TANGO6: variants seen among roughly 807,000 people sequenced by gnomAD.
TANGO6 encodes the protein transport and golgi organization 6 homolog.
In TANGO6, 90 loss-of-function variants were observed where a neutral mutation model predicts 114.2. The ratio of observed to expected loss-of-function variants is 0.79; its 90% CI spans 0.66 to 0.94. The LOEUF is 0.94. Among genes scored for constraint, TANGO6 ranks in the 40% least tolerant of loss-of-function variants. The pLI is 0.00. For synonymous variants in TANGO6, 477 were observed against 509.8 expected (o/e 0.94, Z 0.87); for missense variants, 1,274 against 1,315.3 (o/e 0.97, Z 0.49).
At chr16:68,858,773 G>C (rs1291671331) in intron 1 of TANGO6, among the ~76,000 whole-genome samples, 1 of 152,062 alleles carries the variant, frequency 6.6e-6, no homozygotes, top group Non-Finnish European at 1.5e-5. Context: ...GTCAGCCACT[G>C]TGCCTGGTCC....
At chr16:69,064,965 A>G (rs1384535787) in intron 17 of TANGO6, among the ~76,000 whole-genome samples, 4 of 152,160 alleles carry the variant, frequency 2.6e-5, no homozygotes, top group Admixed American at 2.6e-4. Context: ...CTGTTCCCCC[A>G]TATGTGATCA....
At chr16:68,916,857 C>G (rs1126184) in intron 11 of TANGO6, among the ~76,000 whole-genome samples, 14,558 of 152,144 alleles carry the variant, frequency 0.096, 762 homozygotes, top group African/African-American at 0.13. Context: ...TCCATTGTCA[C>G]CATCTCCCAC....
chr16:68,934,751 T>G (rs771541265), intron 14 of TANGO6, among the ~76,000 whole-genome samples: 6 of 152,188 alleles, frequency 3.9e-5, no homozygotes, highest in Non-Finnish European at 7.3e-5. Flanking sequence ...TTTCATTGAT[T>G]TATTTTTTTT....
In TANGO6 at chr16:68,909,247, T is replaced by G. The variant is rs926555070; in HGVS notation, c.1837T>G (p.Leu613Val). The change falls in exon 11 of 18, where the codon TTA (leucine) becomes GTA (valine). Residue 613 changes from leucine to valine, a missense_variant. Leu to Val is a conservative substitution (Grantham distance 32). This residue lies in a region of TANGO6 where 908 missense variants were observed against 910.2 expected (regional missense o/e 1.00). Transcript: ENST00000261778. ...THVASENETE[L>V]KTEPFSSKSL... Reference sequence around the variant, plus strand: ...TGTGGCCTCGGAAAATGAAACAGAGTTAAAAACTGAGCCCTTCTCCAGCAA... The same window carrying G: ...TGTGGCCTCGGAAAATGAAACAGAGGTAAAAACTGAGCCCTTCTCCAGCAA... 6.3e-7 allele frequency: 1 copy of G among 1,599,692 alleles called. No homozygotes were observed. The highest frequency in any genetic ancestry group is 1.7e-5 in the Admixed American group (1 of 57,524).
chr16:69,071,657 T>G (rs1322897895), intron 17 of TANGO6, among the ~76,000 whole-genome samples: 1 of 152,242 alleles, frequency 6.6e-6, no homozygotes. Context: ...TTCCTCTATT[T>G]TCATATATTC....
intron 1 of TANGO6, among the ~76,000 whole-genome samples, chr16:68,853,828 T>C (rs570676709): frequency 2.6e-5 from 4 of 152,266 alleles, no homozygotes; most frequent in Middle Eastern, 3.4e-3. Context: ...ACCATTCCAG[T>C]GTATGTAGTG....
intron 17 of TANGO6, among the ~76,000 whole-genome samples, chr16:69,061,232 T>A (rs1960111145): frequency 6.6e-6 from 1 of 152,082 alleles, no homozygotes; most frequent in Non-Finnish European, 1.5e-5. Flanking sequence ...AGTGACAGAA[T>A]GAATACTGAT....
intron 7 of TANGO6, among the ~76,000 whole-genome samples, chr16:68,897,297 C>T (rs530569062): frequency 1.9e-4 from 29 of 152,260 alleles, no homozygotes; most frequent in Admixed American, 7.2e-4. Flanking sequence ...TCCTAGCACT[C>T]GTCACTACCT....
At chr16:68,857,166 C>G (rs1596990139) in intron 1 of TANGO6, among the ~76,000 whole-genome samples, 1 of 152,190 alleles carries the variant, frequency 6.6e-6, no homozygotes, top group Middle Eastern at 3.4e-3. Flanking sequence ...CTGCCCCATC[C>G]CTGATCTCTT....
chr16:69,067,518 CAA>C (rs1199698790), intron 17 of TANGO6, among the ~76,000 whole-genome samples: 14 of 43,722 alleles, frequency 3.2e-4, no homozygotes, highest in African/African-American at 1.2e-3. Flanking sequence ...AACTCCATCT[CAA>C]AAAAAAAAAA....
Position 68,945,906 on chromosome 16 carries a change from G to A in TANGO6, c.2701+15611G>A, listed in dbSNP as rs138153899. Among the ~76,000 whole-genome samples the A allele has an allele frequency of 5.8e-3, 886 of 152,114 alleles. 13 individuals carry two copies. Among genetic ancestry groups the A allele is most frequent in the African/African-American group, 0.02 (846 of 41,516 alleles). On this transcript the variant is annotated intron_variant, in intron 14 of 17. Transcript: ENST00000261778. ...TAGCCATGTTGGCCAGGCTGGTCTC[G>A]AACTCCTGACCTCAGATGATCCCCC... is the stretch of plus-strand genomic sequence containing the variant.
At chr16:68,932,124 C>T (rs1370488021) in intron 14 of TANGO6, among the ~76,000 whole-genome samples, 1 of 150,374 alleles carries the variant, frequency 6.7e-6, no homozygotes, top group African/African-American at 2.4e-5. Context: ...GAGTTTCACT[C>T]TTGTTGCCCA....
At chr16:68,994,819 A>C (rs1354596122) in intron 15 of TANGO6, among the ~76,000 whole-genome samples, 1 of 152,008 alleles carries the variant, frequency 6.6e-6, no homozygotes, top group Non-Finnish European at 1.5e-5. Context: ...TCCTGGGCTC[A>C]AGCAATTCTC....
chr16:69,038,535 A>G (rs1959726022), intron 16 of TANGO6, among the ~76,000 whole-genome samples: 1 of 152,042 alleles, frequency 6.6e-6, no homozygotes, highest in Non-Finnish European at 1.5e-5. Flanking sequence ...CTCTTTTTAA[A>G]GCTTACATGA....
chr16:68,890,201 T>G (rs1373746281), intron 7 of TANGO6, among the ~76,000 whole-genome samples: 22 of 152,218 alleles, frequency 1.4e-4, no homozygotes, highest in Admixed American at 1.3e-3. Flanking sequence ...TTCCCACACA[T>G]GTACATCCCT....
At chr16:69,033,013 C>T (rs1262945839) in intron 16 of TANGO6, among the ~76,000 whole-genome samples, 2 of 152,082 alleles carry the variant, frequency 1.3e-5, no homozygotes, top group African/African-American at 4.8e-5. Flanking sequence ...TGGTGAAACC[C>T]CATCTCCACT....
intron 12 of TANGO6, among the ~76,000 whole-genome samples, chr16:68,920,996 G>C (rs529352817): frequency 6.6e-6 from 1 of 150,800 alleles, no homozygotes; most frequent in Non-Finnish European, 1.5e-5. Context: ...CCAGCTACTC[G>C]GGAGGCTGAG....
At chr16:68,890,902 C>T (rs1962604075) in intron 7 of TANGO6, among the ~76,000 whole-genome samples, 1 of 151,686 alleles carries the variant, frequency 6.6e-6, no homozygotes, top group South Asian at 2.1e-4. Context: ...GTGGGTGCCT[C>T]TAATCCCAGC....
intron 4 of TANGO6, among the ~76,000 whole-genome samples, chr16:68,872,899 C>T (rs1189368709): frequency 6.6e-6 from 1 of 151,694 alleles, no homozygotes; most frequent in Non-Finnish European, 1.5e-5. Context: ...GATGGGGTTT[C>T]ACCATGTTGG....
Sources: allele counts gnomAD v4.1 joint callset (sites outside exome capture counted in the v4.1 genomes callset), GRCh38; gene constraint gnomAD v4.1.1; regional missense constraint gnomAD v4.1.1; transcripts MANE v1.5; gene names NCBI Gene and HGNC (gene_info 2026-07-23, HGNC 2026-07-21).